SOX5: variants seen among roughly 807,000 people sequenced by gnomAD.
The protein encoded by SOX5 is SRY-box transcription factor 5.
Under a neutral mutation model 92.0 loss-of-function variants are expected in SOX5, and 9 were observed. The observed-to-expected ratio is 0.10, with a 90% CI of 0.06 to 0.17. The LOEUF is 0.17. SOX5 is among the 10% of genes least tolerant of loss of function. The pLI is 1.00. For missense variants in SOX5, 642 were observed against 944.5 expected (o/e 0.68, Z 4.20); for synonymous variants, 344 against 336.3 (o/e 1.02, Z -0.25).
rs2075716715 is a variant in SOX5 at position 23,609,660 on chromosome 12, A to C, written c.1018-5127T>G. Among the ~76,000 whole-genome samples, 3 of 151,666 alleles carry C rather than the reference A, an allele frequency of 2.0e-5. No individual in the cohort carries two copies. In the East Asian group the frequency reaches 5.8e-4, roughly 29 times the overall value. On this transcript the variant is annotated intron_variant, in intron 8 of 14. Transcript: ENST00000451604. ...TTTATCCTTTTAAGAAAGCCAAAAC[A>C]CATATACTATATTTTTCTTTTATTT...
At chr12:24,502,647 T>C (rs989100508) in intron 1 of SOX5, among the ~76,000 whole-genome samples, 2 of 152,148 alleles carry the variant, frequency 1.3e-5, no homozygotes, top group Non-Finnish European at 2.9e-5. Flanking sequence ...GGTGCTAAAA[T>C]TGGTGCCGAG....
chr12:23,670,447 T>G (rs1331796861), intron 6 of SOX5, among the ~76,000 whole-genome samples: 1 of 152,070 alleles, frequency 6.6e-6, no homozygotes, highest in South Asian at 2.1e-4. Context: ...CTGAGCACAT[T>G]TATTGGCTGA....
intron 2 of SOX5, among the ~76,000 whole-genome samples, chr12:23,861,826 C>A (rs1394491732): frequency 1.3e-5 from 2 of 152,078 alleles, no homozygotes; most frequent in Non-Finnish European, 2.9e-5. Flanking sequence ...TTACAAAAGT[C>A]CTTTGCTATC....
At chr12:24,134,428 T>C (rs150496277) in intron 4 of SOX5, among the ~76,000 whole-genome samples, 1 of 152,204 alleles carries the variant, frequency 6.6e-6, no homozygotes, top group African/African-American at 2.4e-5. Context: ...ATTTCTAGCA[T>C]TGATTATACT....
At chr12:24,236,000 T>A (rs1964420721) in intron 3 of SOX5, among the ~76,000 whole-genome samples, 1 of 151,938 alleles carries the variant, frequency 6.6e-6, no homozygotes, top group Non-Finnish European at 1.5e-5. Flanking sequence ...CAATCCTGGT[T>A]AACATGGTAA....
chr12:23,843,477 T>A (rs1029526806), intron 3 of SOX5, among the ~76,000 whole-genome samples: 11 of 148,786 alleles, frequency 7.4e-5, no homozygotes, highest in Non-Finnish European at 1.3e-4. Context: ...AAACTGTTTT[T>A]AAAAAAAATA....
chr12:24,171,277 GCAGTGGCCCAATCTTGGCT>G (rs1160344495), intron 4 of SOX5, among the ~76,000 whole-genome samples: 2 of 134,144 alleles, frequency 1.5e-5, no homozygotes, highest in South Asian at 2.5e-4. Context: ...AGGCTGGAGT[GCAGTGGCCCAATCTTGGCT>G]CACTGCAACC....
chr12:24,285,331 G>A (rs1179314728), intron 2 of SOX5, among the ~76,000 whole-genome samples: 1 of 152,068 alleles, frequency 6.6e-6, no homozygotes, highest in African/African-American at 2.4e-5. Context: ...ACAGCATGAG[G>A]CCCAGTATGC....
At chr12:24,476,109 G>C (rs981263527) in intron 1 of SOX5, among the ~76,000 whole-genome samples, 6 of 152,164 alleles carry the variant, frequency 3.9e-5, no homozygotes. Context: ...GCATGGTGTG[G>C]GGACCACTGT....
intron 4 of SOX5, among the ~76,000 whole-genome samples, chr12:23,966,476 A>C (rs935552855): frequency 6.6e-6 from 1 of 151,764 alleles, no homozygotes; most frequent in Admixed American, 6.6e-5. Context: ...AATGAAGAAA[A>C]ATATATTGAA....
intron 1 of SOX5, among the ~76,000 whole-genome samples, chr12:24,539,425 A>G (rs2970415): frequency 1 from 152,163 of 152,288 alleles, 76,019 homozygotes; most frequent in Non-Finnish European, 1. Context: ...TACCTTTATT[A>G]AAAGGTGATG....
At chr12:24,287,058 G>A (rs1431037616) in intron 2 of SOX5, among the ~76,000 whole-genome samples, 1 of 152,124 alleles carries the variant, frequency 6.6e-6, no homozygotes, top group Non-Finnish European at 1.5e-5. Context: ...ATCCTAAACT[G>A]AGACTAAATT....
chr12:24,393,386 A>G lies in SOX5; in HGVS notation c.-250-24747T>C, dbSNP rs1444913780. Among the ~76,000 whole-genome samples, 1 of 152,212 alleles carries G rather than the reference A, an allele frequency of 6.6e-6. No homozygotes were observed. Among genetic ancestry groups the G allele is most frequent in the Admixed American group, 6.5e-5 (1 of 15,278 alleles). ...GCCATTGGGACACAATTACAGGCCA[A>G]TCAGGGTCGGAGATAACAGAATGAC... On this transcript the variant is annotated intron_variant, in intron 1 of 4. Coordinates refer to the SOX5 transcript ENST00000446891. The surrounding 1 kb of genome is among the most constrained non-coding windows in gnomAD (Gnocchi z 5.0).
intron 3 of SOX5, among the ~76,000 whole-genome samples, chr12:24,251,401 T>C (rs1940007765): frequency 6.6e-6 from 1 of 152,172 alleles, no homozygotes; most frequent in Non-Finnish European, 1.5e-5. Context: ...ATGACCTTCT[T>C]GAATTCCCAA....
chr12:23,552,702 TAGTC>T (rs1944432083), intron 11 of SOX5, among the ~76,000 whole-genome samples: 1 of 151,940 alleles, frequency 6.6e-6, no homozygotes, highest in Non-Finnish European at 1.5e-5. Context: ...AGTGATCTAA[TAGTC>T]AGAGCTGCCT....
intron 4 of SOX5, among the ~76,000 whole-genome samples, chr12:23,979,797 A>G (rs1949357166): frequency 1.5e-5 from 2 of 134,064 alleles, no homozygotes; most frequent in South Asian, 4.7e-4. Context: ...AGCAAACTGC[A>G]GCCTCAAACC....
intron 1 of SOX5, among the ~76,000 whole-genome samples, chr12:24,412,604 TA>T (rs1964304010): frequency 6.6e-6 from 1 of 152,084 alleles, no homozygotes; most frequent in Admixed American, 6.6e-5. Flanking sequence ...CTCTTTCTGT[TA>T]TTGATTTCTA....
At chr12:24,405,384 G>A (rs1248352463) in intron 1 of SOX5, among the ~76,000 whole-genome samples, 1 of 152,042 alleles carries the variant, frequency 6.6e-6, no homozygotes, top group Non-Finnish European at 1.5e-5. Flanking sequence ...CTTCACTCAT[G>A]GCGTTAGAAA....
At chr12:24,201,317 T>TA (rs1957495722) in intron 4 of SOX5, among the ~76,000 whole-genome samples, 1 of 151,544 alleles carries the variant, frequency 6.6e-6, no homozygotes, top group Admixed American at 6.6e-5. Context: ...GAAAATCTGA[T>TA]AAAATCACAT....
Sources: gnomAD v4.1 joint callset for allele counts (sites outside exome capture counted in the v4.1 genomes callset) on GRCh38, gnomAD v4.1.1 for gene constraint, Gnocchi (gnomAD v3.1) non-coding constraint, MANE v1.5 for transcripts, NCBI Gene and HGNC (gene_info 2026-07-23, HGNC 2026-07-21) for gene names.